TANC1: variants seen among roughly 807,000 people sequenced by gnomAD.
TANC1 encodes the protein protein TANC1.
In TANC1, 77 loss-of-function variants were observed where a neutral mutation model predicts 149.7. The ratio of observed to expected loss-of-function variants is 0.51; its 90% CI spans 0.43 to 0.62. TANC1 has a LOEUF of 0.62. Among genes scored for constraint, TANC1 ranks in the 20% least tolerant of loss-of-function variants. TANC1 has a pLI of 0.00. For missense variants in TANC1, 1,985 were observed against 2,321.8 expected (o/e 0.85, Z 2.98); for synonymous variants, 854 against 925.0 (o/e 0.92, Z 1.39).
intron 16 of TANC1, among the ~76,000 whole-genome samples, chr2:159,192,701 G>A (rs2057539990): frequency 6.6e-6 from 1 of 152,204 alleles, no homozygotes; most frequent in South Asian, 2.1e-4. Context: ...CCAGGCTGGA[G>A]TGCAGTGACG....
At position 159,224,509 on chromosome 2, in the gene TANC1, A is replaced by G. The variant is rs115219898; in HGVS notation, c.3811+145A>G. 6,917 of 878,348 alleles carry G rather than the reference A, an allele frequency of 7.9e-3. 61 individuals carry two copies. Among genetic ancestry groups the G allele is most frequent in the South Asian group, 0.011 (664 of 59,362 alleles). The allele number at this position is 878,348 out of a possible 1,614,324, so 54.4% of individuals were successfully genotyped here. ...ATCTCTGTCTCAGTCTCACTTAATCACCATTATACACAATGTGTAAGTAGC... is the reference window on the plus strand; with the variant it reads ...ATCTCTGTCTCAGTCTCACTTAATCGCCATTATACACAATGTGTAAGTAGC... On this transcript the variant is annotated intron_variant, in intron 23 of 26. Coordinates refer to ENST00000263635, the MANE Select transcript of TANC1 (RefSeq NM_033394.3).
chr2:159,169,991 C>CAA (rs558720895), intron 9 of TANC1, among the ~76,000 whole-genome samples: 44 of 116,192 alleles, frequency 3.8e-4, no homozygotes, highest in Non-Finnish European at 5.5e-4. Context: ...GAAACTATCT[C>CAA]AAAAAAAAAA....
chr2:158,999,184 A>C (rs2036407671), intron 1 of TANC1, among the ~76,000 whole-genome samples: 1 of 152,162 alleles, frequency 6.6e-6, no homozygotes, highest in African/African-American at 2.4e-5. Flanking sequence ...AGAGTGATGT[A>C]ATGGTGTGCA....
chr2:158,975,065 A>C (rs868679285), intron 1 of TANC1, among the ~76,000 whole-genome samples: 2 of 151,962 alleles, frequency 1.3e-5, no homozygotes, highest in African/African-American at 4.8e-5. Flanking sequence ...TCATACTTTA[A>C]ATCATCTCTA....
chr2:159,064,766 A>G (rs553239849), intron 2 of TANC1, among the ~76,000 whole-genome samples: 1 of 152,182 alleles, frequency 6.6e-6, no homozygotes, highest in Non-Finnish European at 1.5e-5. Context: ...GTGCCACAAA[A>G]CTTCTGCTTA....
In TANC1 at chr2:159,198,895, A is replaced by G. The variant is rs141582049; in HGVS notation, c.3166-80A>G. ...TGAGATAATGGTTAAAAAACAACACACTGTCTCCTTTGATACATGGGCTAT... is the reference window on the plus strand; with the variant it reads ...TGAGATAATGGTTAAAAAACAACACGCTGTCTCCTTTGATACATGGGCTAT... On this transcript the variant is annotated intron_variant, in intron 18 of 26. Transcript: ENST00000263635. 886 of 966,646 alleles carry G rather than the reference A, an allele frequency of 9.2e-4. 6 individuals are homozygous for G. The African/African-American group carries it at 0.013, about 14-fold the overall frequency. The allele number at this position is 966,646 out of a possible 1,614,324, so 59.9% of individuals were successfully genotyped here.
chr2:159,194,421 G>T lies in TANC1; in HGVS notation c.2907G>T (p.Met969Ile). 2 of 1,614,292 alleles carry T rather than the reference G, an allele frequency of 1.2e-6. No homozygotes were observed. The highest frequency in any genetic ancestry group is 1.7e-6 in the Non-Finnish European group (2 of 1,180,050). Residue 969 changes from methionine to isoleucine, a missense_variant, in exon 17 of 27, where the codon ATG (methionine) becomes ATT (isoleucine). By Grantham distance (10) the Met-to-Ile change is conservative. This residue lies in a region of TANC1 where 508 missense variants were observed against 714.2 expected (regional missense o/e 0.71). Transcript: ENST00000263635. ...ACLDGTSENG[M>I]TALCYAAAAG... ...TGGACGGAACGTCAGAGAACGGCAT[G>T]ACTGCCCTCTGTTACGCAGCAGCTG...
In TANC1 at chr2:159,227,562, T is replaced by G. The variant is rs565188898; in HGVS notation, c.3904-257T>G. ...TTTGGTAATTATCAATCTAGCAGTT[T>G]ACAGACACCTTATTGTAAAACCAGC... On this transcript the variant is annotated intron_variant, in intron 24 of 26. Coordinates refer to ENST00000263635, the MANE Select transcript of TANC1 (RefSeq NM_033394.3). The G allele has an allele frequency of 1.9e-5, 9 of 481,868 alleles. No homozygotes were observed. The South Asian group carries it at 2.8e-4, about 15-fold the overall frequency. 29.8% of individuals were successfully genotyped at this position (481,868 alleles called of 1,614,324 possible).
At chr2:159,114,540 T>C (rs264582) in intron 4 of TANC1, among the ~76,000 whole-genome samples, 49,413 of 151,980 alleles carry the variant, frequency 0.33, 8,738 homozygotes, top group East Asian at 0.63. Context: ...TAGTGTGTGA[T>C]ACCCAGAAAG....
At chr2:159,221,759 C>CT (rs1042573415) in intron 22 of TANC1, among the ~76,000 whole-genome samples, 26 of 152,308 alleles carry the variant, frequency 1.7e-4, no homozygotes, top group African/African-American at 6.3e-4. Flanking sequence ...ATATGGAAAG[C>CT]TTTGGGCACT....
At chr2:159,051,137 CAT>C (rs781080001) in intron 2 of TANC1, among the ~76,000 whole-genome samples, 7 of 152,144 alleles carry the variant, frequency 4.6e-5, no homozygotes, top group African/African-American at 1.7e-4. Context: ...ATTCAAGAAA[CAT>C]GTGTCTTGTT....
chr2:159,133,828 C>T (rs933412751), intron 4 of TANC1, among the ~76,000 whole-genome samples: 8 of 152,266 alleles, frequency 5.3e-5, no homozygotes, highest in Middle Eastern at 3.4e-3. Flanking sequence ...CATTTAAAAA[C>T]GATGGTTCCT....
chr2:159,003,169 G>A (rs1187223380), intron 2 of TANC1, among the ~76,000 whole-genome samples: 1 of 152,176 alleles, frequency 6.6e-6, no homozygotes, highest in Non-Finnish European at 1.5e-5. Flanking sequence ...GAAAGGTAGC[G>A]GGTATATGTG....
At chr2:158,983,585 T>C (rs1361158196) in intron 1 of TANC1, among the ~76,000 whole-genome samples, 1 of 152,058 alleles carries the variant, frequency 6.6e-6, no homozygotes, top group Non-Finnish European at 1.5e-5. Context: ...AAAAAATCAA[T>C]TTTTTTACTG....
chr2:159,201,443 G>A (rs2058240119), intron 19 of TANC1, among the ~76,000 whole-genome samples: 1 of 152,202 alleles, frequency 6.6e-6, no homozygotes, highest in Admixed American at 6.5e-5. Flanking sequence ...CACAGTCCTG[G>A]TTCTCACCAA....
chr2:159,161,404 T>C (rs2054035439), intron 7 of TANC1, among the ~76,000 whole-genome samples: 1 of 152,232 alleles, frequency 6.6e-6, no homozygotes, highest in Non-Finnish European at 1.5e-5. Flanking sequence ...ACAATATGTC[T>C]GAGAAAAGCA....
chr2:159,199,564 T>C (rs2058098162), intron 19 of TANC1, among the ~76,000 whole-genome samples: 1 of 152,224 alleles, frequency 6.6e-6, no homozygotes, highest in African/African-American at 2.4e-5. Context: ...GTCATTTCCA[T>C]TGGTCTTTAC....
chr2:159,206,460 G>T lies in TANC1; in HGVS notation c.3244+7407G>T, dbSNP rs191499797. Among the ~76,000 whole-genome samples the T allele has an allele frequency of 1.8e-3, 281 of 152,340 alleles. 1 individual carries two copies. The highest frequency in any genetic ancestry group is 3.3e-3 in the Non-Finnish European group (227 of 68,028). On this transcript the variant is annotated intron_variant, in intron 19 of 26. Coordinates refer to ENST00000263635, the MANE Select transcript of TANC1 (RefSeq NM_033394.3). ...GGTCAGCATGTCCCCGCCCTGTAGG[G>T]CAGGCTGAGTGGCCAGCAGTGAGCA...
In TANC1 at chr2:159,170,527, G is replaced by T; in HGVS notation, c.1073G>T (p.Arg358Leu). 2 of 1,582,100 alleles carry T rather than the reference G, an allele frequency of 1.3e-6. No individual in the cohort carries two copies. Among genetic ancestry groups the T allele is most frequent in the South Asian group, 1.2e-5 (1 of 86,454 alleles). ...AGGRAQEVKA[R>L]FAPYKPQDIL... ...ATTTTTTTTTCTTCTTTTGAAGCAC[G>T]ATTTGCTCCCTACAAGCCACAAGAC... The change falls in exon 10 of 27, where the codon CGA becomes CTA. Residue 358 changes from arginine to leucine, a missense_variant. Transcript: ENST00000263635.
Sources: gnomAD v4.1 joint callset for allele counts (sites outside exome capture counted in the v4.1 genomes callset) on GRCh38, gnomAD v4.1.1 for gene constraint, gnomAD v4.1.1 regional missense constraint, MANE v1.5 for transcripts, NCBI Gene and HGNC (gene_info 2026-07-23, HGNC 2026-07-21) for gene names.